CTXN2: variants seen among roughly 807,000 people sequenced by gnomAD.
CTXN2 encodes cortexin-2.
Under a neutral mutation model 5.7 loss-of-function variants are expected in CTXN2, and 3 were observed. The observed-to-expected ratio is 0.53, with a 90% CI of 0.24 to 1.36. The LOEUF (loss-of-function observed/expected upper bound fraction) is 1.36, where lower values mean the gene tolerates loss of function less well. Among genes scored for constraint, CTXN2 ranks in the 40% most tolerant of loss-of-function variants. The pLI is 0.17. For missense variants in CTXN2, 87 were observed against 93.0 expected (o/e 0.94, Z 0.26); for synonymous variants, 38 against 36.4 (o/e 1.04, Z -0.16).
At chr15:48,182,407 A>G (rs914936841) in intron 1 of CTXN2, among the ~76,000 whole-genome samples, 3 of 152,330 alleles carry the variant, frequency 2.0e-5, no homozygotes, top group African/African-American at 7.2e-5. Context: ...ATGAAACTAA[A>G]CAGAATCCAA....
In CTXN2 at chr15:48,201,697, G is replaced by A. The variant is rs2040931059; in HGVS notation, c.*151G>A. The A allele has an allele frequency of 2.3e-5, 18 of 774,112 alleles. No individual in the cohort carries two copies. The East Asian group carries it at 4.9e-4, about 21-fold the overall frequency. 48.0% of individuals were successfully genotyped at this position (774,112 alleles called of 1,614,324 possible). A position where few individuals can be genotyped will look rare whatever the true frequency, so the allele number is the denominator to read the frequency against. On this transcript the variant is annotated 3_prime_UTR_variant, in exon 2 of 2. Transcript: ENST00000417307. ...AATTTCTTCACCATGCTGTGTAAAT[G>A]ATAAACTATTGTTGGGATTCCTCAC... is the stretch of plus-strand genomic sequence containing the variant.
chr15:48,186,080 T>C (rs2040751257), intron 1 of CTXN2, among the ~76,000 whole-genome samples: 2 of 152,198 alleles, frequency 1.3e-5, no homozygotes, highest in Non-Finnish European at 2.9e-5. Flanking sequence ...TATACTATAC[T>C]GTAGTTATGG....
intron 1 of CTXN2, among the ~76,000 whole-genome samples, chr15:48,197,358 T>C (rs1400809751): frequency 6.6e-6 from 1 of 152,096 alleles, no homozygotes; most frequent in African/African-American, 2.4e-5. Context: ...CATCATTCTC[T>C]TTCTACTTAA....
rs543200620 is a variant in CTXN2, at chr15:48,182,582, T to C, written c.-455+4182T>C. Among the ~76,000 whole-genome samples, 45 of 152,360 alleles carry C rather than the reference T, an allele frequency of 3.0e-4. 1 individual carries two copies. The highest frequency in any genetic ancestry group is 2.3e-3 in the Admixed American group (35 of 15,306). On this transcript the variant is annotated intron_variant, in intron 1 of 2. Coordinates refer to the CTXN2 transcript ENST00000644354. ...AGATTGAAGTGATTTCATGTTACTA[T>C]GTTTCAATTCACAAAGTGTTTAAAC...
chr15:48,191,479 C>T, upstream of CTXN2: 1 of 282,072 alleles, frequency 3.5e-6, no homozygotes. Flanking sequence ...GAGCCTGTTG[C>T]TGCTGGAGCT....
rs145042954 is a variant in CTXN2, at chr15:48,180,789, C to G, written c.-455+2389C>G. On this transcript the variant is annotated intron_variant, in intron 1 of 2. Coordinates refer to the CTXN2 transcript ENST00000644354. ...CCTCCCAAATTGCTGGGATTACAGG[C>G]GTGAGCCAGAGCGCCCGGCCTTGGT... 3.9e-3 allele frequency among the ~76,000 whole-genome samples: 601 copies of G among 152,334 alleles called. 16 individuals carry two copies. Among genetic ancestry groups the G allele is most frequent in the Admixed American group, 0.036 (552 of 15,300 alleles).
intron 1 of CTXN2, among the ~76,000 whole-genome samples, chr15:48,181,189 T>C (rs1052683133): frequency 2.6e-5 from 4 of 152,212 alleles, no homozygotes; most frequent in Admixed American, 6.5e-5. Flanking sequence ...ATTTTTACTC[T>C]CTTAAGTAAA....
upstream of CTXN2, chr15:48,191,162 A>G (rs1180236302): frequency 1.3e-5 from 2 of 152,882 alleles, no homozygotes; most frequent in African/African-American, 4.8e-5. Context: ...CAGTTAAATC[A>G]ATACACCTTT....
intron 1 of CTXN2, among the ~76,000 whole-genome samples, chr15:48,183,095 C>G (rs1342519175): frequency 1.3e-5 from 2 of 152,140 alleles, no homozygotes; most frequent in Non-Finnish European, 2.9e-5. Flanking sequence ...CTATTAGCAA[C>G]AGAGTTTGAT....
upstream of CTXN2, among the ~76,000 whole-genome samples, chr15:48,188,354 G>A (rs1298020605): frequency 6.6e-6 from 1 of 152,044 alleles, no homozygotes; most frequent in Non-Finnish European, 1.5e-5. Flanking sequence ...GATTTTCATT[G>A]TGTGTAAGAA....
intron 1 of CTXN2, 92 bp downstream of exon 1, chr15:48,191,945 T>C: frequency 2.5e-6 from 1 of 403,760 alleles, no homozygotes; most frequent in Non-Finnish European, 5.0e-6. Context: ...GAGAAGCATG[T>C]CCTCATTCTC....
At position 48,201,212 on chromosome 15, in the gene CTXN2, T is replaced by TA. The variant is rs1396923989; in HGVS notation, c.-57-28dup. ...CAACCTACCCAATACCATACAAGGG[T>TA]AAAACTAAACTGAGTCCAATTTTGT... On this transcript the variant is annotated intron_variant, in intron 1 of 1. Coordinates refer to ENST00000417307, the MANE Select transcript of CTXN2 (RefSeq NM_001145668.2). 24 of 1,404,376 alleles carry TA rather than the reference T, an allele frequency of 1.7e-5. No homozygotes were observed. In the African/African-American group the frequency reaches 3.3e-4, roughly 19 times the overall value. The allele number at this position is 1,404,376 out of a possible 1,614,324, so 87.0% of individuals were successfully genotyped here. A position where few individuals can be genotyped will look rare whatever the true frequency, so the allele number is the denominator to read the frequency against.
At chr15:48,179,950 A>G (rs868608268) in intron 1 of CTXN2, among the ~76,000 whole-genome samples, 1 of 152,188 alleles carries the variant, frequency 6.6e-6, no homozygotes, top group African/African-American at 2.4e-5. Context: ...AATCAACTCA[A>G]TGCAAGATTT....
Sources: allele counts gnomAD v4.1 joint callset (sites outside exome capture counted in the v4.1 genomes callset), GRCh38; gene constraint gnomAD v4.1.1; transcripts MANE v1.5; gene names NCBI Gene and HGNC (gene_info 2026-07-23, HGNC 2026-07-21).